CDH13: variants seen among roughly 807,000 people sequenced by gnomAD.
CDH13 encodes the protein cadherin-13.
CDH13 carries 24 observed loss-of-function variants against 63.8 expected under a neutral mutation model. That is an observed-to-expected ratio of 0.38 (90% CI 0.27 to 0.53). The LOEUF is 0.53. CDH13 is among the 20% of genes least tolerant of loss of function. The probability of loss-of-function intolerance (pLI) is 0.85; values close to 1 mark genes in which losing one functional copy is unlikely to be tolerated. For synonymous variants in CDH13, 503 were observed against 355.3 expected, an observed-to-expected ratio of 1.42 and a Z score of -4.67; for missense variants, 1,049 against 903.1, an observed-to-expected ratio of 1.16 and a Z score of -2.07.
At chr16:82,635,421 G>A (rs1172138476) in intron 1 of CDH13, among the ~76,000 whole-genome samples, 1 of 152,170 alleles carries the variant, frequency 6.6e-6, no homozygotes, top group African/African-American at 2.4e-5. Context: ...TCTATTCAGG[G>A]GAAACACCAC....
At chr16:83,277,847 G>A (rs1236438915) in intron 5 of CDH13, among the ~76,000 whole-genome samples, 2 of 152,038 alleles carry the variant, frequency 1.3e-5, no homozygotes, top group Non-Finnish European at 1.5e-5. Flanking sequence ...TTTAGGTTTT[G>A]TAGAAATATA....
At chr16:83,451,907 C>T (rs1239782120) in intron 6 of CDH13, among the ~76,000 whole-genome samples, 1 of 152,166 alleles carries the variant, frequency 6.6e-6, no homozygotes, top group African/African-American at 2.4e-5. Context: ...TAAAATGGAG[C>T]CTTCAGTGCA....
chr16:83,442,852 T>C lies in CDH13; in HGVS notation c.782-43625T>C, dbSNP rs558497433. ...TCATTCAAAGATGTAAAGGAAGAGA[T>C]ACTATAAGGGACATTTCTGTTATTT... On this transcript the variant is annotated intron_variant, in intron 6 of 13. Transcript: ENST00000567109. Among the ~76,000 whole-genome samples, 19 of 152,364 alleles carry C rather than the reference T, an allele frequency of 1.2e-4. No homozygotes were observed. In the South Asian group the frequency reaches 2.1e-3, roughly 17 times the overall value.
chr16:83,264,930 A>T (rs993887125), intron 5 of CDH13, among the ~76,000 whole-genome samples: 1 of 152,208 alleles, frequency 6.6e-6, no homozygotes, highest in South Asian at 2.1e-4. Flanking sequence ...TGGCTATAAG[A>T]ATCTGCTGTA....
At chr16:83,607,484 A>G (rs968359123) in intron 8 of CDH13, among the ~76,000 whole-genome samples, 6 of 152,176 alleles carry the variant, frequency 3.9e-5, no homozygotes, top group African/African-American at 9.6e-5. Flanking sequence ...CAATGACTAT[A>G]CACTTGCTGA....
intron 2 of CDH13, among the ~76,000 whole-genome samples, chr16:83,016,842 C>A (rs1484254286): frequency 6.6e-6 from 1 of 152,118 alleles, no homozygotes; most frequent in Non-Finnish European, 1.5e-5. Context: ...TGCTCATCTA[C>A]ATACTGGCTA....
At chr16:83,154,148 G>A (rs1013668492) in intron 4 of CDH13, among the ~76,000 whole-genome samples, 12 of 152,076 alleles carry the variant, frequency 7.9e-5, no homozygotes, top group African/African-American at 2.9e-4. Context: ...ACCATGCTAC[G>A]GTTCTGCCAC....
intron 5 of CDH13, among the ~76,000 whole-genome samples, chr16:83,288,160 G>GT (rs1192826966): frequency 6.6e-6 from 1 of 152,166 alleles, no homozygotes; most frequent in Admixed American, 6.5e-5. Flanking sequence ...TGATTACTGA[G>GT]TTTTTTGGTG....
intron 2 of CDH13, among the ~76,000 whole-genome samples, chr16:83,006,066 G>A (rs1338517233): frequency 1.3e-5 from 2 of 152,148 alleles, no homozygotes; most frequent in East Asian, 3.9e-4. Context: ...CCTTAAGGTT[G>A]GTAGCTTAAG....
At position 83,763,557 on chromosome 16, in the gene CDH13, C is replaced by G. The variant is rs74954705; in HGVS notation, c.1681+15307C>G. Among the ~76,000 whole-genome samples the G allele has an allele frequency of 6.2e-3, 943 of 152,198 alleles. 16 individuals are homozygous for G. The highest frequency in any genetic ancestry group is 0.02 in the African/African-American group (846 of 41,530). On this transcript the variant is annotated intron_variant, in intron 11 of 13. Coordinates refer to ENST00000567109, the MANE Select transcript of CDH13 (RefSeq NM_001257.5). ...GGTCTTTCTCTTTTCATAGCTCAAC[C>G]AAGCTCTAGACTGCAGGGGGGATAT...
chr16:82,885,259 T>A (rs1018959098), intron 2 of CDH13, among the ~76,000 whole-genome samples: 8 of 152,078 alleles, frequency 5.3e-5, no homozygotes, highest in Non-Finnish European at 2.9e-5. Context: ...AAACAAAACA[T>A]TTTAGAAAAT....
intron 5 of CDH13, among the ~76,000 whole-genome samples, chr16:83,306,103 C>T (rs1181833644): frequency 6.6e-6 from 1 of 152,134 alleles, no homozygotes; most frequent in African/African-American, 2.4e-5. Flanking sequence ...GTTGTAATAA[C>T]CAAAAATGTC....
At chr16:83,276,344 G>C (rs2088987799) in intron 5 of CDH13, among the ~76,000 whole-genome samples, 1 of 152,024 alleles carries the variant, frequency 6.6e-6, no homozygotes, top group East Asian at 1.9e-4. Context: ...GTTTCCTCTT[G>C]TTCTCTGTCT....
chr16:83,170,089 TAATAC>T (rs1272397049), intron 4 of CDH13, among the ~76,000 whole-genome samples: 1 of 152,160 alleles, frequency 6.6e-6, no homozygotes. Context: ...TGTTAAGCTC[TAATAC>T]ATACAACAAT....
intron 10 of CDH13, among the ~76,000 whole-genome samples, chr16:83,685,429 G>A (rs1904297348): frequency 6.6e-6 from 1 of 152,148 alleles, no homozygotes; most frequent in Non-Finnish European, 1.5e-5. Context: ...AATAGATGAT[G>A]TTGCTAAAGA....
chr16:83,172,098 A>T (rs898416481), intron 4 of CDH13, among the ~76,000 whole-genome samples: 1 of 152,112 alleles, frequency 6.6e-6, no homozygotes, highest in African/African-American at 2.4e-5. Flanking sequence ...ATCATGTTAA[A>T]CTGAGGTCAT....
At chr16:82,806,276 A>G (rs62036826) in intron 1 of CDH13, among the ~76,000 whole-genome samples, 6,847 of 152,160 alleles carry the variant, frequency 0.045, 194 homozygotes, top group Admixed American at 0.066. Flanking sequence ...CATGTCTGCT[A>G]TTTGTCTCCT....
At chr16:83,505,669 G>T (rs1598176219) in intron 7 of CDH13, among the ~76,000 whole-genome samples, 1 of 151,220 alleles carries the variant, frequency 6.6e-6, no homozygotes, top group Non-Finnish European at 1.5e-5. Flanking sequence ...TCAGCCTCCG[G>T]AGTAGCTGGG....
At chr16:82,846,738 C>G (rs928256539) in intron 1 of CDH13, among the ~76,000 whole-genome samples, 15 of 152,034 alleles carry the variant, frequency 9.9e-5, no homozygotes, top group Non-Finnish European at 2.1e-4. Flanking sequence ...ATTCATTTTT[C>G]CATCTCTAGT....
Sources: allele counts gnomAD v4.1 joint callset (sites outside exome capture counted in the v4.1 genomes callset), GRCh38; gene constraint gnomAD v4.1.1; transcripts MANE v1.5; gene names NCBI Gene and HGNC (gene_info 2026-07-23, HGNC 2026-07-21).